FGF12: variants seen among roughly 807,000 people sequenced by gnomAD.
FGF12 encodes the protein fibroblast growth factor 12.
Under a neutral mutation model 23.6 loss-of-function variants are expected in FGF12, and 14 were observed. The observed-to-expected ratio is 0.59, with a 90% CI of 0.39 to 0.93. The LOEUF is 0.93. Among genes scored for constraint, FGF12 ranks in the 40% least tolerant of loss-of-function variants. The pLI is 0.00. For missense variants in FGF12, 175 were observed against 217.8 expected, an observed-to-expected ratio of 0.80 and a Z score of 1.24; for synonymous variants, 62 against 77.3, an observed-to-expected ratio of 0.80 and a Z score of 1.04.
rs551817786 is a variant in FGF12 at position 192,367,987 on chromosome 3, C to T, written c.14-7449G>A. On this transcript the variant is annotated intron_variant, in intron 2 of 5. Coordinates refer to ENST00000445105, the MANE Select transcript of FGF12 (RefSeq NM_004113.6). Reference sequence around the variant, plus strand: ...CAGTTATCAATAGATACTAATGGCACGTTTTATTTTTTAAAAATGAATATT... The same window carrying T: ...CAGTTATCAATAGATACTAATGGCATGTTTTATTTTTTAAAAATGAATATT... 7.6e-4 allele frequency among the ~76,000 whole-genome samples: 115 copies of T among 152,240 alleles called. 1 individual carries two copies. The highest frequency in any genetic ancestry group is 1.2e-3 in the Non-Finnish European group (81 of 68,010).
chr3:192,144,063 A>G lies in FGF12; in HGVS notation c.492T>C (p.Ser164=). Residue 164 remains serine (S), a synonymous_variant, in exon 6 of 6, where the codon AGT becomes AGC. Coordinates refer to ENST00000445105, the MANE Select transcript of FGF12 (RefSeq NM_004113.6). Reference sequence around the variant, plus strand: ...CTCCATTCATGGTTGGTGTTCCAGAACTTTTCCTTGAACGCCCTTGTTTTT... The same window carrying G: ...CTCCATTCATGGTTGGTGTTCCAGAGCTTTTCCTTGAACGCCCTTGTTTTT... ...IGEKQGRSRK[S]SGTPTMNGGK... is the part of the protein sequence containing the mutation. 2 of 1,613,790 alleles carry G rather than the reference A, an allele frequency of 1.2e-6. No homozygotes were observed. The highest frequency in any genetic ancestry group is 2.2e-5 in the South Asian group (2 of 91,068).
chr3:192,365,812 A>G (rs1718956237), intron 2 of FGF12, among the ~76,000 whole-genome samples: 1 of 151,926 alleles, frequency 6.6e-6, no homozygotes, highest in East Asian at 1.9e-4. Flanking sequence ...TTGACAGTCC[A>G]TCTAGTGCTA....
At chr3:192,378,057 T>TCTTC in intron 2 of FGF12, among the ~76,000 whole-genome samples, 1 of 110,798 alleles carries the variant, frequency 9.0e-6, no homozygotes, top group African/African-American at 5.3e-5. Flanking sequence ...TTTCTTTCTT[T>TCTTC]CTTTCTTTCT....
intron 2 of FGF12, among the ~76,000 whole-genome samples, chr3:192,523,555 C>T (rs902702186): frequency 1.3e-5 from 2 of 152,140 alleles, no homozygotes; most frequent in Non-Finnish European, 1.5e-5. Context: ...AAGAGCCCTA[C>T]CCAAGTCTGA....
At chr3:192,606,401 T>A (rs1369691884) in intron 2 of FGF12, among the ~76,000 whole-genome samples, 2 of 152,040 alleles carry the variant, frequency 1.3e-5, no homozygotes, top group Non-Finnish European at 2.9e-5. Flanking sequence ...GTGCAGGGGT[T>A]GAAAAACTAA....
chr3:192,611,715 T>A (rs948128975), intron 2 of FGF12, among the ~76,000 whole-genome samples: 3 of 151,946 alleles, frequency 2.0e-5, no homozygotes, highest in Non-Finnish European at 4.4e-5. Flanking sequence ...GCTGTCATAT[T>A]AAAAGGATGT....
At chr3:192,262,228 A>C (rs1577294705) in intron 4 of FGF12, among the ~76,000 whole-genome samples, 1 of 152,176 alleles carries the variant, frequency 6.6e-6, no homozygotes, top group Non-Finnish European at 1.5e-5. Flanking sequence ...GTTTCGTACA[A>C]GTATGCTGGC....
chr3:192,204,830 G>A (rs1405332248), intron 4 of FGF12, among the ~76,000 whole-genome samples: 2 of 152,018 alleles, frequency 1.3e-5, no homozygotes, highest in East Asian at 1.9e-4. Context: ...ATGTTGTGGT[G>A]AGCCAAGATC....
chr3:192,527,007 G>T (rs1329638683), intron 2 of FGF12, among the ~76,000 whole-genome samples: 1 of 152,166 alleles, frequency 6.6e-6, no homozygotes, highest in African/African-American at 2.4e-5. Context: ...ATGCTGACTT[G>T]AATGTGTCCT....
intron 5 of FGF12, among the ~76,000 whole-genome samples, chr3:192,166,668 G>A (rs1715177898): frequency 6.6e-6 from 1 of 152,186 alleles, no homozygotes; most frequent in Non-Finnish European, 1.5e-5. Flanking sequence ...AAATGGAATG[G>A]AAAGTAAGAG....
chr3:192,320,774 A>T (rs1684080126), intron 4 of FGF12, among the ~76,000 whole-genome samples: 1 of 152,142 alleles, frequency 6.6e-6, no homozygotes, highest in Non-Finnish European at 1.5e-5. Flanking sequence ...AAAGAAAATG[A>T]AAGCACAATA....
chr3:192,154,563 G>A (rs942499635), intron 5 of FGF12, among the ~76,000 whole-genome samples: 34 of 151,656 alleles, frequency 2.2e-4, no homozygotes, highest in South Asian at 1.9e-3. Flanking sequence ...GTCTGTTGGA[G>A]TACCCTGCTG....
At chr3:192,469,554 A>G (rs764622347) in intron 2 of FGF12, among the ~76,000 whole-genome samples, 4 of 152,320 alleles carry the variant, frequency 2.6e-5, no homozygotes, top group South Asian at 2.1e-4. Flanking sequence ...AGCCAACACA[A>G]AAGTGTGTAT....
chr3:192,148,907 A>T (rs1414154715), intron 5 of FGF12, among the ~76,000 whole-genome samples: 4 of 152,208 alleles, frequency 2.6e-5, no homozygotes, highest in Non-Finnish European at 5.9e-5. Context: ...CTGAGCACGT[A>T]CAATGTAGCT....
intron 2 of FGF12, among the ~76,000 whole-genome samples, chr3:192,600,029 T>C (rs1005012688): frequency 6.6e-6 from 1 of 152,112 alleles, no homozygotes; most frequent in Non-Finnish European, 1.5e-5. Context: ...AGGTCTTATA[T>C]TTCAGTCTTT....
chr3:192,600,525 T>C (rs973975772), intron 2 of FGF12, among the ~76,000 whole-genome samples: 2 of 151,980 alleles, frequency 1.3e-5, no homozygotes, highest in African/African-American at 2.4e-5. Flanking sequence ...TAAAATGAAA[T>C]AAAATATTTG....
intron 4 of FGF12, among the ~76,000 whole-genome samples, chr3:192,324,422 A>G (rs1394248664): frequency 6.6e-6 from 1 of 152,162 alleles, no homozygotes; most frequent in African/African-American, 2.4e-5. Context: ...TCTTTTTAAA[A>G]TATATCTACT....
chr3:192,241,570 T>C (rs1240427130), intron 4 of FGF12, among the ~76,000 whole-genome samples: 1 of 152,150 alleles, frequency 6.6e-6, no homozygotes, highest in Non-Finnish European at 1.5e-5. Flanking sequence ...ATAAAAATTA[T>C]ATTAGATCAA....
At chr3:192,696,984 C>G (rs775834850) in intron 2 of FGF12, among the ~76,000 whole-genome samples, 1 of 151,884 alleles carries the variant, frequency 6.6e-6, no homozygotes, top group Non-Finnish European at 1.5e-5. Flanking sequence ...ACAGCATTTC[C>G]TAGGATTGTT....
Sources: allele counts gnomAD v4.1 joint callset (sites outside exome capture counted in the v4.1 genomes callset), GRCh38; gene constraint gnomAD v4.1.1; transcripts MANE v1.5; gene names NCBI Gene and HGNC (gene_info 2026-07-23, HGNC 2026-07-21).